The following WDR7 variants were observed in gnomAD, a reference collection of about 807,000 sequenced individuals.
WDR7 encodes the protein WD repeat-containing protein 7.
In WDR7, 46 loss-of-function variants were observed where a neutral mutation model predicts 169.4. That is an observed-to-expected ratio of 0.27 (90% confidence interval 0.21 to 0.35). The LOEUF (loss-of-function observed/expected upper bound fraction) is 0.35. Ranked by LOEUF, WDR7 falls within the 10% of genes least tolerant of loss-of-function variation. WDR7 has a pLI of 1.00. For missense variants in WDR7, 1,534 were observed against 1,859.3 expected (o/e 0.83, Z 3.22); for synonymous variants, 612 against 666.8 (o/e 0.92, Z 1.27).
chr18:57,018,927 T>C (rs1599251651), intron 26 of WDR7, among the ~76,000 whole-genome samples: 1 of 152,238 alleles, frequency 6.6e-6, no homozygotes, highest in East Asian at 1.9e-4. Flanking sequence ...TTTTCCTGCC[T>C]GAGTGATTCT....
chr18:56,834,650 C>T (rs1489209198), intron 20 of WDR7, among the ~76,000 whole-genome samples: 2 of 152,086 alleles, frequency 1.3e-5, no homozygotes, highest in Non-Finnish European at 2.9e-5. Context: ...CAGACCAGTG[C>T]AAGTATTACA....
chr18:56,925,334 A>G (rs2046790404), intron 22 of WDR7, among the ~76,000 whole-genome samples: 1 of 152,226 alleles, frequency 6.6e-6, no homozygotes, highest in Non-Finnish European at 1.5e-5. Context: ...TAACTTATTG[A>G]GGAACCACCA....
chr18:56,986,434 GT>G (rs1332397066), intron 26 of WDR7, among the ~76,000 whole-genome samples: 1 of 151,898 alleles, frequency 6.6e-6, no homozygotes, highest in Non-Finnish European at 1.5e-5. Context: ...TAGTTTTCAT[GT>G]TTTATCATAC....
At chr18:56,661,198 G>A (rs1392201449) in intron 1 of WDR7, among the ~76,000 whole-genome samples, 2 of 152,128 alleles carry the variant, frequency 1.3e-5, no homozygotes, top group African/African-American at 4.8e-5. Context: ...AATGACTGGA[G>A]ATGCAAATGA....
At chr18:56,942,255 C>T (rs1207830112) in intron 25 of WDR7, among the ~76,000 whole-genome samples, 4 of 151,910 alleles carry the variant, frequency 2.6e-5, no homozygotes, top group Admixed American at 6.5e-5. Context: ...CTTCATGCAA[C>T]CCATGACACA....
chr18:56,953,121 G>A (rs567296768), intron 25 of WDR7, among the ~76,000 whole-genome samples: 1 of 152,128 alleles, frequency 6.6e-6, no homozygotes, highest in South Asian at 2.1e-4. Flanking sequence ...TATTGATAGT[G>A]GGGGAGGCTG....
chr18:56,682,220 T>C (rs2025363263), intron 4 of WDR7, among the ~76,000 whole-genome samples: 1 of 152,218 alleles, frequency 6.6e-6, no homozygotes, highest in Non-Finnish European at 1.5e-5. Flanking sequence ...TCCTTCTAAA[T>C]TGTATTTGCA....
intron 26 of WDR7, among the ~76,000 whole-genome samples, chr18:56,983,760 C>T (rs1302674630): frequency 6.6e-6 from 1 of 152,054 alleles, no homozygotes; most frequent in Non-Finnish European, 1.5e-5. Flanking sequence ...AACTGTTATC[C>T]TCAATAGCTG....
chr18:56,789,931 G>A (rs984742898), intron 19 of WDR7, among the ~76,000 whole-genome samples: 18 of 152,142 alleles, frequency 1.2e-4, no homozygotes, highest in African/African-American at 3.9e-4. Flanking sequence ...TTAAAAAATG[G>A]TGTTCAAATG....
chr18:56,998,002 G>A (rs1018133414), intron 26 of WDR7, among the ~76,000 whole-genome samples: 3 of 152,208 alleles, frequency 2.0e-5, no homozygotes, highest in African/African-American at 4.8e-5. Flanking sequence ...GAAGAGCAGC[G>A]GAGAAGCCAC....
At chr18:56,877,538 A>G (rs1192773747) in intron 20 of WDR7, among the ~76,000 whole-genome samples, 2 of 152,210 alleles carry the variant, frequency 1.3e-5, no homozygotes, top group Non-Finnish European at 2.9e-5. Flanking sequence ...GATACTAAGT[A>G]TAGAATATGA....
intron 12 of WDR7, chr18:56,699,887 C>G (rs988891643): frequency 1.0e-6 from 1 of 985,220 alleles, no homozygotes; most frequent in Non-Finnish European, 1.2e-6. Context: ...CTCCAGACCC[C>G]CTTTTCAAAC....
intron 26 of WDR7, among the ~76,000 whole-genome samples, chr18:56,989,448 G>A (rs2047778054): frequency 6.6e-6 from 1 of 152,054 alleles, no homozygotes; most frequent in Non-Finnish European, 1.5e-5. Context: ...ATAAGAACTG[G>A]AAGAGTCTGT....
At chr18:56,925,689 C>T (rs190171877) in intron 22 of WDR7, among the ~76,000 whole-genome samples, 11 of 152,270 alleles carry the variant, frequency 7.2e-5, no homozygotes, top group Non-Finnish European at 1.3e-4. Flanking sequence ...ACCAGAGAAG[C>T]AATTGAAGGC....
At chr18:56,762,171 A>G (rs1002349069) in intron 16 of WDR7, among the ~76,000 whole-genome samples, 1 of 151,998 alleles carries the variant, frequency 6.6e-6, no homozygotes, top group African/African-American at 2.4e-5. Flanking sequence ...CTAGAATAAA[A>G]CCAATTTTGT....
chr18:56,846,815 G>T (rs1381069311), intron 20 of WDR7, among the ~76,000 whole-genome samples: 4 of 152,120 alleles, frequency 2.6e-5, no homozygotes, highest in African/African-American at 9.7e-5. Context: ...AAGCAGATGT[G>T]GACACCACAT....
rs536484037 is a variant in WDR7, at chr18:56,676,573, T to C, written c.160-2759T>C. ...TATGTTTTTTGGTTTGAGATTACCATGAGGCTTGCAGATACTATGTTATAA... is the reference window on the plus strand; with the variant it reads ...TATGTTTTTTGGTTTGAGATTACCACGAGGCTTGCAGATACTATGTTATAA... On this transcript the variant is annotated intron_variant, in intron 2 of 27. Transcript: ENST00000254442. Among the ~76,000 whole-genome samples the C allele has an allele frequency of 2.0e-5, 3 of 152,358 alleles. No individual in the cohort carries two copies. The East Asian group carries it at 5.8e-4, about 29-fold the overall frequency.
chr18:56,786,758 T>C (rs1346605323), intron 19 of WDR7, among the ~76,000 whole-genome samples: 3 of 152,016 alleles, frequency 2.0e-5, no homozygotes, highest in African/African-American at 4.8e-5. Flanking sequence ...TTAAATAATA[T>C]GGCATACGTT....
intron 19 of WDR7, among the ~76,000 whole-genome samples, chr18:56,814,368 A>G (rs1303821715): frequency 2.0e-5 from 3 of 152,232 alleles, no homozygotes; most frequent in Non-Finnish European, 2.9e-5. Flanking sequence ...CAGATATTTC[A>G]AAGATTTATA....
Sources: allele counts gnomAD v4.1 joint callset (sites outside exome capture counted in the v4.1 genomes callset), GRCh38; gene constraint gnomAD v4.1.1; transcripts MANE v1.5; gene names NCBI Gene and HGNC (gene_info 2026-07-23, HGNC 2026-07-21).